Variants in PAM observed in about 807,000 individuals in gnomAD.
PAM encodes the protein peptidyl-glycine alpha-amidating monooxygenase.
In PAM, 72 loss-of-function variants were observed where a neutral mutation model predicts 122.1. That is an observed-to-expected ratio of 0.59 (90% CI 0.49 to 0.72). The LOEUF is 0.72. Among genes scored for constraint, PAM ranks in the 30% least tolerant of loss-of-function variants. PAM has a pLI of 0.00. For synonymous variants in PAM, 389 were observed against 404.4 expected, an observed-to-expected ratio of 0.96 and a Z score of 0.46; for missense variants, 1,106 against 1,183.7, an observed-to-expected ratio of 0.93 and a Z score of 0.96.
At position 102,949,585 on chromosome 5, in the gene PAM, T is replaced by C; in HGVS notation, c.692T>C (p.Val231Ala). 1 of 1,538,100 alleles carries C rather than the reference T, an allele frequency of 6.5e-7. No individual in the cohort carries two copies. The highest frequency in any genetic ancestry group is 9.0e-7 in the Non-Finnish European group (1 of 1,110,926). Residue 231 changes from valine (V) to alanine (A), a missense_variant, in exon 10 of 26, where the codon GTC becomes GCC. By Grantham distance (64) the Val-to-Ala change is moderately conservative. This residue lies in a region of PAM where 670 missense variants were observed against 690.3 expected (regional missense o/e 0.97). Coordinates refer to ENST00000438793, the MANE Select transcript of PAM (RefSeq NM_001177306.2). ...CATTATAAAAATTATCCAATGCATG[T>C]CTTTGCCTATAGAGTTCACACTCAC... ...SCHYKNYPMH[V>A]FAYRVHTHHL...
chr5:102,943,636 A>G (rs187931589), intron 7 of PAM, among the ~76,000 whole-genome samples: 70 of 152,278 alleles, frequency 4.6e-4, no homozygotes, highest in African/African-American at 1.6e-3. Flanking sequence ...TGTGTCACCA[A>G]TTAGCTGAAT....
Position 102,836,882 on chromosome 5 carries a change from G to C in PAM, c.-373-28941G>C, listed in dbSNP as rs1580751599. Among the ~76,000 whole-genome samples, 4 of 151,944 alleles carry C rather than the reference G, an allele frequency of 2.6e-5. No individual in the cohort carries two copies. In the Middle Eastern group the frequency reaches 0.01, roughly 388 times the overall value. On this transcript the variant is annotated intron_variant, in intron 1 of 25. Transcript: ENST00000438793. ...ACCGAGAGAGAGAGAGAGAGAGAGA[G>C]AGAGAGAGAGAGAGAGGTGCAAAAT...
chr5:103,025,340 T>C lies in PAM; in HGVS notation c.2689+6T>C. The C allele has an allele frequency of 6.2e-7, 1 of 1,610,950 alleles. No individual in the cohort carries two copies. Among genetic ancestry groups the C allele is most frequent in the Non-Finnish European group, 8.5e-7 (1 of 1,177,296 alleles). On this transcript the variant is annotated splice_donor_region_variant and intron_variant, in intron 24 of 25. Transcript: ENST00000438793. ...AAAATCAAGGGCCTTTGGAGGCAAG[T>C]AAAATGAGCCCCGTGAACTTGGAAC... is the stretch of plus-strand genomic sequence containing the variant.
chr5:102,814,911 C>T (rs908381514), intron 1 of PAM, among the ~76,000 whole-genome samples: 1 of 151,584 alleles, frequency 6.6e-6, no homozygotes, highest in African/African-American at 2.4e-5. Flanking sequence ...TAGAGTTTTC[C>T]CCTCTTTCTT....
chr5:102,756,662 G>A (rs1376040703), intron 1 of PAM, among the ~76,000 whole-genome samples: 2 of 151,972 alleles, frequency 1.3e-5, no homozygotes, highest in East Asian at 2.0e-4. Flanking sequence ...TATAAAGCAA[G>A]TAAATGGCCT....
chr5:102,875,686 G>A (rs900405828), intron 3 of PAM, among the ~76,000 whole-genome samples: 2 of 152,166 alleles, frequency 1.3e-5, no homozygotes, highest in African/African-American at 2.4e-5. Flanking sequence ...TCTTAAAGAA[G>A]TGTCATATAA....
chr5:102,816,164 G>A (rs958936603), intron 1 of PAM, among the ~76,000 whole-genome samples: 6 of 152,100 alleles, frequency 3.9e-5, no homozygotes, highest in Non-Finnish European at 8.8e-5. Context: ...ACTCCGAGTT[G>A]AGGTTTTATG....
Position 102,867,356 on chromosome 5 carries a change from C to T in PAM, c.173C>T (p.Ala58Val). The T allele has an allele frequency of 2.5e-6, 4 of 1,608,402 alleles. No homozygotes were observed. Among genetic ancestry groups the T allele is most frequent in the Non-Finnish European group, 3.4e-6 (4 of 1,175,058 alleles). ...GTTCCTATTGATTCATCAGATTTTG[C>T]ATTGGATATTCGCATGCCTGGGGTT... ...PVVPIDSSDF[A>V]LDIRMPGVTP... The change falls in exon 3 of 26, where the codon GCA becomes GTA. Residue 58 changes from alanine to valine, a missense_variant. This residue lies in a region of PAM where 670 missense variants were observed against 690.3 expected (regional missense o/e 0.97). Coordinates refer to ENST00000438793, the MANE Select transcript of PAM (RefSeq NM_001177306.2).
At chr5:102,819,112 T>C (rs1489909219) in intron 1 of PAM, among the ~76,000 whole-genome samples, 1 of 152,182 alleles carries the variant, frequency 6.6e-6, no homozygotes, top group Non-Finnish European at 1.5e-5. Flanking sequence ...CTATATTCTT[T>C]GCTGCTTGCT....
chr5:102,975,061 A>G (rs1767166122), intron 15 of PAM, among the ~76,000 whole-genome samples: 1 of 152,208 alleles, frequency 6.6e-6, no homozygotes, highest in African/African-American at 2.4e-5. Flanking sequence ...CCATAAGTAG[A>G]GGAAAATACC....
intron 14 of PAM, among the ~76,000 whole-genome samples, chr5:102,968,377 G>C (rs779406705): frequency 2.2e-4 from 34 of 152,106 alleles, no homozygotes; most frequent in Non-Finnish European, 4.0e-4. Flanking sequence ...CCTACCAGCT[G>C]TGCAGGTTAG....
chr5:103,029,352 A>C lies in PAM; in HGVS notation c.*287A>C. 3.9e-6 allele frequency: 1 copy of C among 254,042 alleles called. No homozygotes were observed. The highest frequency in any genetic ancestry group is 7.4e-6 in the Non-Finnish European group (1 of 135,096). 15.7% of individuals were successfully genotyped at this position (254,042 alleles called of 1,614,324 possible). A position where few individuals can be genotyped will look rare whatever the true frequency, so the allele number is the denominator to read the frequency against. ...AACAATGGAAGATTTGCCCATTTACACTTTTGAGACTTTTTGGTGGATGTA... is the reference window on the plus strand; with the variant it reads ...AACAATGGAAGATTTGCCCATTTACCCTTTTGAGACTTTTTGGTGGATGTA... On this transcript the variant is annotated 3_prime_UTR_variant, in exon 26 of 26. Coordinates refer to ENST00000438793, the MANE Select transcript of PAM (RefSeq NM_001177306.2).
chr5:102,989,092 C>T (rs572653655), intron 15 of PAM, among the ~76,000 whole-genome samples: 2 of 152,260 alleles, frequency 1.3e-5, no homozygotes, highest in African/African-American at 4.8e-5. Context: ...TTGGGAGGGA[C>T]AGAAATATCA....
chr5:102,891,931 C>G (rs913838057), intron 3 of PAM, among the ~76,000 whole-genome samples: 1 of 147,422 alleles, frequency 6.8e-6, no homozygotes, highest in Middle Eastern at 3.4e-3. Flanking sequence ...TCAGACATCT[C>G]CTGTTCTTTC....
At chr5:102,921,442 T>C (rs958081371) in intron 5 of PAM, among the ~76,000 whole-genome samples, 1 of 152,160 alleles carries the variant, frequency 6.6e-6, no homozygotes, top group Admixed American at 6.5e-5. Context: ...CACTCTGATA[T>C]GTTATCAGTT....
intron 3 of PAM, among the ~76,000 whole-genome samples, chr5:102,897,274 G>A (rs952163379): frequency 1.3e-5 from 2 of 151,558 alleles, no homozygotes; most frequent in Middle Eastern, 3.2e-3. Flanking sequence ...GATTTAAAAT[G>A]TACACAATCA....
chr5:103,018,441 T>A (rs1782632517), intron 22 of PAM, among the ~76,000 whole-genome samples: 1 of 152,196 alleles, frequency 6.6e-6, no homozygotes, highest in African/African-American at 2.4e-5. Flanking sequence ...GTCAGAACTA[T>A]CCTTTGGATA....
chr5:102,948,929 A>G (rs1325424203), intron 9 of PAM, among the ~76,000 whole-genome samples: 2 of 152,116 alleles, frequency 1.3e-5, no homozygotes, highest in African/African-American at 4.8e-5. Flanking sequence ...AGCGATGAGA[A>G]TAAGTATATT....
intron 16 of PAM, among the ~76,000 whole-genome samples, chr5:102,991,025 C>T (rs1348346314): frequency 6.6e-6 from 1 of 152,186 alleles, no homozygotes; most frequent in African/African-American, 2.4e-5. Flanking sequence ...CTGGATTTTC[C>T]TTTTCTACCT....
Sources: gnomAD v4.1 joint callset for allele counts (sites outside exome capture counted in the v4.1 genomes callset) on GRCh38, gnomAD v4.1.1 for gene constraint, gnomAD v4.1.1 regional missense constraint, MANE v1.5 for transcripts, NCBI Gene and HGNC (gene_info 2026-07-23, HGNC 2026-07-21) for gene names.